Variants in NEK11 observed in about 807,000 individuals in gnomAD.
NEK11 encodes NIMA related kinase 11.
In NEK11, 72 loss-of-function variants were observed where a neutral mutation model predicts 80.7. The observed-to-expected ratio is 0.89, with a 90% confidence interval of 0.74 to 1.08. The LOEUF is 1.08. Among genes scored for constraint, NEK11 ranks in the 50% least tolerant of loss-of-function variants. NEK11 has a pLI of 0.00. For synonymous variants in NEK11, 251 were observed against 260.7 expected (o/e 0.96, Z 0.36); for missense variants, 764 against 763.6 (o/e 1.00, Z -0.01).
chr3:131,296,124 A>C (rs1412223435), intron 17 of NEK11, among the ~76,000 whole-genome samples: 2 of 152,186 alleles, frequency 1.3e-5, no homozygotes, highest in African/African-American at 4.8e-5. Context: ...TACAGGCATG[A>C]GCCACCACAC....
At chr3:131,118,442 T>C (rs111370842) in intron 5 of NEK11, among the ~76,000 whole-genome samples, 4,381 of 152,240 alleles carry the variant, frequency 0.029, 220 homozygotes, top group African/African-American at 0.1. Flanking sequence ...TCTCTTTTTT[T>C]GTTGTGTGTC....
chr3:131,200,258 AATGAAAATTAAAGTCCACACTGAGAT>A (rs1437260165), intron 14 of NEK11, among the ~76,000 whole-genome samples: 4 of 152,246 alleles, frequency 2.6e-5, no homozygotes, highest in African/African-American at 9.6e-5. Context: ...AAATCAAGGT[AATGAAAATTAAAGTCCACACTGAGAT>A]ACCACTACGT....
intron 11 of NEK11, among the ~76,000 whole-genome samples, chr3:131,164,439 G>A (rs957890058): frequency 2.0e-5 from 3 of 152,162 alleles, no homozygotes. Flanking sequence ...TTGAGCCATT[G>A]CATCAGCTCA....
rs199945174 is a variant in NEK11 at position 131,245,468 on chromosome 3, C to A, written c.1621+1972C>A. 4.6e-5 allele frequency among the ~76,000 whole-genome samples: 7 copies of A among 152,052 alleles called. No homozygotes were observed. In the East Asian group the frequency reaches 1.4e-3, roughly 29 times the overall value. On this transcript the variant is annotated intron_variant, in intron 16 of 17. Transcript: ENST00000383366. The stretch of plus-strand genomic sequence containing the variant: ...ATGATCTTTTCCTTTGGGTATATAC[C>A]CAGTAGTGGGATTGCTAGATTGAAT...
At chr3:131,262,507 C>T (rs1172546491) in intron 16 of NEK11, among the ~76,000 whole-genome samples, 1 of 151,988 alleles carries the variant, frequency 6.6e-6, no homozygotes, top group Non-Finnish European at 1.5e-5. Flanking sequence ...ATTTGGATTC[C>T]TTTGACTTCT....
chr3:131,110,898 A>C (rs1185564083), intron 5 of NEK11, among the ~76,000 whole-genome samples: 1 of 152,170 alleles, frequency 6.6e-6, no homozygotes, highest in Non-Finnish European at 1.5e-5. Flanking sequence ...CCTCATAACA[A>C]TCTGTTGGAT....
intron 3 of NEK11, among the ~76,000 whole-genome samples, chr3:131,072,737 C>T (rs1472964073): frequency 1.3e-5 from 2 of 152,060 alleles, no homozygotes; most frequent in African/African-American, 4.8e-5. Context: ...TGAAGGGAAT[C>T]CACTCATATT....
chr3:131,083,019 C>G (rs13072727), intron 4 of NEK11, among the ~76,000 whole-genome samples: 26,599 of 152,158 alleles, frequency 0.17, 2,431 homozygotes, highest in Non-Finnish European at 0.21. Flanking sequence ...AGTGTGACCC[C>G]AGACCAGTAT....
intron 14 of NEK11, among the ~76,000 whole-genome samples, chr3:131,215,122 T>C (rs970359505): frequency 3.9e-5 from 6 of 152,098 alleles, no homozygotes; most frequent in African/African-American, 1.4e-4. Context: ...CAGTTAGTGA[T>C]ATTATTCTCA....
intron 3 of NEK11, among the ~76,000 whole-genome samples, chr3:131,046,635 G>T (rs1021513747): frequency 2.0e-5 from 3 of 151,726 alleles, no homozygotes; most frequent in African/African-American, 7.3e-5. Flanking sequence ...ACAACGTGCA[G>T]GTTTGTTACA....
At chr3:131,244,275 T>C (rs2095563454) in intron 16 of NEK11, among the ~76,000 whole-genome samples, 1 of 152,134 alleles carries the variant, frequency 6.6e-6, no homozygotes, top group Non-Finnish European at 1.5e-5. Flanking sequence ...TTTTCTAGCT[T>C]ATTCCACATC....
In NEK11 at chr3:131,095,464, T is replaced by C. The variant is rs140254030; in HGVS notation, c.337-14339T>C. 2.2e-4 allele frequency among the ~76,000 whole-genome samples: 33 copies of C among 152,256 alleles called. No homozygotes were observed. The East Asian group carries it at 5.2e-3, about 24-fold the overall frequency. ...TGGCAAGACTTTAAATGATAATGGT[T>C]AAATGTCTGATGAAAATTAATTATA... On this transcript the variant is annotated intron_variant, in intron 4 of 17. Transcript: ENST00000383366.
At chr3:131,339,361 T>C (rs1231835299) in intron 17 of NEK11, among the ~76,000 whole-genome samples, 1 of 152,228 alleles carries the variant, frequency 6.6e-6, no homozygotes, top group East Asian at 1.9e-4. Context: ...TCAGTTAGTC[T>C]ACATTGCAGA....
intron 14 of NEK11, among the ~76,000 whole-genome samples, chr3:131,205,450 A>G (rs905446414): frequency 6.6e-6 from 1 of 152,144 alleles, no homozygotes; most frequent in African/African-American, 2.4e-5. Flanking sequence ...AGGCTCCAGT[A>G]TAGCAGTTGC....
intron 13 of NEK11, among the ~76,000 whole-genome samples, chr3:131,169,488 T>C (rs2092530201): frequency 6.6e-6 from 1 of 152,224 alleles, no homozygotes. Flanking sequence ...TTGGCTGAAT[T>C]TGGGCTTTGA....
chr3:131,037,629 A>G (rs1021052194), intron 3 of NEK11, among the ~76,000 whole-genome samples: 9 of 152,244 alleles, frequency 5.9e-5, no homozygotes, highest in Non-Finnish European at 7.3e-5. Flanking sequence ...AATATTAAAA[A>G]TACACTTTCA....
chr3:131,297,647 T>C (rs893329680), intron 17 of NEK11, among the ~76,000 whole-genome samples: 14 of 152,304 alleles, frequency 9.2e-5, no homozygotes, highest in East Asian at 5.8e-4. Flanking sequence ...TCTTTTGCTG[T>C]GCAGAAGCTC....
chr3:131,055,799 A>T (rs2069359174), intron 3 of NEK11, among the ~76,000 whole-genome samples: 1 of 152,210 alleles, frequency 6.6e-6, no homozygotes, highest in Non-Finnish European at 1.5e-5. Context: ...ATATCTGGTA[A>T]ATGCTACTTG....
intron 14 of NEK11, among the ~76,000 whole-genome samples, chr3:131,182,844 A>G (rs930080433): frequency 2.6e-5 from 4 of 151,996 alleles, no homozygotes; most frequent in African/African-American, 9.7e-5. Context: ...AAATGAAAAA[A>G]CTCAACCCTT....
Sources: gnomAD v4.1 joint callset for allele counts (sites outside exome capture counted in the v4.1 genomes callset) on GRCh38, gnomAD v4.1.1 for gene constraint, MANE v1.5 for transcripts, NCBI Gene and HGNC (gene_info 2026-07-23, HGNC 2026-07-21) for gene names.